Variants in NKAIN2 observed in about 807,000 individuals in gnomAD.
NKAIN2 encodes sodium/potassium-transporting ATPase subunit beta-1-interacting protein 2.
A neutral mutation model predicts 32.6 loss-of-function variants in NKAIN2; 14 were observed. The observed-to-expected ratio is 0.43, with a 90% CI of 0.28 to 0.67. NKAIN2 has a LOEUF of 0.67. Ranked by LOEUF, NKAIN2 falls within the 30% of genes least tolerant of loss-of-function variation. NKAIN2 has a pLI of 0.17. For synonymous variants in NKAIN2, 80 were observed against 87.2 expected, an observed-to-expected ratio of 0.92 and a Z score of 0.46; for missense variants, 198 against 258.3, an observed-to-expected ratio of 0.77 and a Z score of 1.60.
intron 1 of NKAIN2, among the ~76,000 whole-genome samples, chr6:124,186,678 C>T (rs1789757542): frequency 6.6e-6 from 1 of 152,182 alleles, no homozygotes; most frequent in South Asian, 2.1e-4. Flanking sequence ...AATACTATTG[C>T]TTTCAACTTA....
At chr6:124,189,742 T>G (rs1287818772) in intron 1 of NKAIN2, among the ~76,000 whole-genome samples, 2 of 152,138 alleles carry the variant, frequency 1.3e-5, no homozygotes, top group Non-Finnish European at 2.9e-5. Flanking sequence ...TGGGACAAAT[T>G]AATAATGGCA....
chr6:124,433,887 G>C (rs1775325562), intron 3 of NKAIN2, among the ~76,000 whole-genome samples: 1 of 152,168 alleles, frequency 6.6e-6, no homozygotes, highest in Non-Finnish European at 1.5e-5. Context: ...GGGATTGTTT[G>C]TTTTTGCTGC....
intron 1 of NKAIN2, among the ~76,000 whole-genome samples, chr6:123,999,054 T>G (rs915154511): frequency 4.6e-5 from 7 of 152,040 alleles, no homozygotes; most frequent in African/African-American, 1.7e-4. Context: ...GTTCATTAAT[T>G]TTTATGTCAG....
intron 1 of NKAIN2, among the ~76,000 whole-genome samples, chr6:124,211,928 A>G (rs1156835634): frequency 6.6e-6 from 1 of 152,080 alleles, no homozygotes; most frequent in Non-Finnish European, 1.5e-5. Flanking sequence ...GCATTGTTTG[A>G]GTTCCAGTGG....
intron 1 of NKAIN2, among the ~76,000 whole-genome samples, chr6:123,913,058 T>C (rs1775302483): frequency 6.6e-6 from 1 of 152,196 alleles, no homozygotes; most frequent in African/African-American, 2.4e-5. Context: ...TGCAGGCCAA[T>C]ATGCGTAGGT....
Position 124,749,583 on chromosome 6 carries a change from G to A in NKAIN2, c.475-41756G>A, listed in dbSNP as rs142492499. ...AGGCTCTAAGAGATTTTATGGTGGA[G>A]TCACACTGTGTGCATCGTCATACTG... On this transcript the variant is annotated intron_variant, in intron 4 of 6. Transcript: ENST00000368417. Among the ~76,000 whole-genome samples the A allele has an allele frequency of 3.6e-4, 54 of 151,970 alleles. No homozygotes were observed. The East Asian group carries it at 9.8e-3, about 28-fold the overall frequency.
At chr6:123,925,962 G>A (rs1582790957) in intron 1 of NKAIN2, among the ~76,000 whole-genome samples, 1 of 152,146 alleles carries the variant, frequency 6.6e-6, no homozygotes, top group South Asian at 2.1e-4. Context: ...TGACAGATTC[G>A]GTGTCTGTTG....
intron 1 of NKAIN2, among the ~76,000 whole-genome samples, chr6:123,835,624 T>C (rs1040336144): frequency 1.3e-5 from 2 of 152,188 alleles, no homozygotes; most frequent in African/African-American, 2.4e-5. Flanking sequence ...ATTGCATAAA[T>C]GAGTGAATTC....
At chr6:124,160,284 A>G (rs1321860964) in intron 1 of NKAIN2, among the ~76,000 whole-genome samples, 1 of 152,142 alleles carries the variant, frequency 6.6e-6, no homozygotes, top group Non-Finnish European at 1.5e-5. Context: ...ACTATTCTCA[A>G]TGCCACTCTC....
chr6:123,834,273 G>C (rs1376086867), intron 1 of NKAIN2, among the ~76,000 whole-genome samples: 2 of 152,134 alleles, frequency 1.3e-5, no homozygotes, highest in Admixed American at 1.3e-4. Context: ...TCCTGCCTCA[G>C]CTTCCTGAAT....
chr6:123,807,886 A>G (rs780729023), intron 1 of NKAIN2, among the ~76,000 whole-genome samples: 14 of 152,146 alleles, frequency 9.2e-5, no homozygotes, highest in Admixed American at 2.6e-4. Flanking sequence ...GCAACTAACA[A>G]TTAGGTTAGT....
chr6:124,274,492 C>A (rs1794936826), intron 1 of NKAIN2, among the ~76,000 whole-genome samples: 3 of 152,006 alleles, frequency 2.0e-5, no homozygotes, highest in African/African-American at 7.2e-5. Flanking sequence ...GAAAACAATA[C>A]CATAAGGTTC....
chr6:124,172,870 G>A (rs1422523555), intron 1 of NKAIN2, among the ~76,000 whole-genome samples: 1 of 152,058 alleles, frequency 6.6e-6, no homozygotes, highest in Admixed American at 6.6e-5. Context: ...TGTAGTGTGG[G>A]AATAGTTCAC....
At chr6:123,812,630 G>A (rs1370082265) in intron 1 of NKAIN2, among the ~76,000 whole-genome samples, 1 of 152,188 alleles carries the variant, frequency 6.6e-6, no homozygotes, top group Non-Finnish European at 1.5e-5. Context: ...GGCATTTGCA[G>A]AAGCACTTTC....
At chr6:123,913,035 T>C (rs1044471597) in intron 1 of NKAIN2, among the ~76,000 whole-genome samples, 1 of 152,196 alleles carries the variant, frequency 6.6e-6, no homozygotes, top group Admixed American at 6.6e-5. Flanking sequence ...TTCAATATTA[T>C]AGTATCTGCT....
chr6:124,039,184 TAAG>T (rs888988747), intron 1 of NKAIN2, among the ~76,000 whole-genome samples: 6 of 152,036 alleles, frequency 3.9e-5, no homozygotes, highest in Admixed American at 6.6e-5. Context: ...TTTTTAAAAA[TAAG>T]AAGAAGAAAT....
intron 1 of NKAIN2, among the ~76,000 whole-genome samples, chr6:123,870,584 AATAATGCTGTT>A (rs1442183642): frequency 3.3e-5 from 5 of 152,216 alleles, no homozygotes; most frequent in African/African-American, 1.2e-4. Flanking sequence ...TGTGAAAATT[AATAATGCTGTT>A]ATATATGTAG....
At chr6:124,601,508 C>T (rs1332447459) in intron 3 of NKAIN2, among the ~76,000 whole-genome samples, 1 of 151,960 alleles carries the variant, frequency 6.6e-6, no homozygotes, top group Non-Finnish European at 1.5e-5. Flanking sequence ...GCATATAGTT[C>T]AAAAGTGCCA....
In NKAIN2 at chr6:124,329,489, C is replaced by G. The variant is rs547347441; in HGVS notation, c.193-25778C>G. On this transcript the variant is annotated intron_variant, in intron 2 of 6. Transcript: ENST00000368417. ...AGCACTTTTCTCAGCAATGTAGGAC[C>G]CCCAGATCCACAGAGCCTAATTTGT... Among the ~76,000 whole-genome samples the G allele has an allele frequency of 2.4e-4, 36 of 152,210 alleles. No homozygotes were observed. The South Asian group carries it at 7.3e-3, about 31-fold the overall frequency.
Sources: gnomAD v4.1 joint callset for allele counts (sites outside exome capture counted in the v4.1 genomes callset) on GRCh38, gnomAD v4.1.1 for gene constraint, MANE v1.5 for transcripts, NCBI Gene and HGNC (gene_info 2026-07-23, HGNC 2026-07-21) for gene names.